The following PROK1 variants were observed in gnomAD, a reference collection of about 807,000 sequenced individuals.
PROK1 encodes prokineticin-1.
Under a neutral mutation model 8.8 loss-of-function variants are expected in PROK1, and 10 were observed. The observed-to-expected ratio is 1.13, with a 90% CI of 0.70 to 1.92. The LOEUF is 1.92. PROK1 is among the 30% of genes most tolerant of loss of function. PROK1 has a pLI of 0.00. For synonymous variants in PROK1, 57 were observed against 56.0 expected (o/e 1.02, Z -0.08); for missense variants, 140 against 139.7 (o/e 1.00, Z -0.01).
intron 1 of PROK1, among the ~76,000 whole-genome samples, chr1:110,451,789 A>C (rs920897142): frequency 4.6e-5 from 7 of 152,208 alleles, no homozygotes; most frequent in African/African-American, 9.7e-5. Context: ...CTCCGCTTAG[A>C]AAGGATATCT....
chr1:110,455,064 C>T (rs988602138), intron 2 of PROK1, among the ~76,000 whole-genome samples: 69 of 152,334 alleles, frequency 4.5e-4, no homozygotes, highest in African/African-American at 1.6e-3. Context: ...GCCACTTTAC[C>T]ACACTTTACC....
chr1:110,456,312 G>A lies in PROK1; in HGVS notation c.279G>A (p.Arg93=), dbSNP rs1372423534. The change falls in exon 3 of 3, where the codon AGG becomes AGA. Residue 93 remains arginine, a synonymous_variant. Coordinates refer to ENST00000271331, the MANE Select transcript of PROK1 (RefSeq NM_032414.3). ...NLLCSRFPDG[R]YRCSMDLKNI... ...TGTGCTCCAGGTTCCCGGACGGCAG[G>A]TACCGCTGCTCCATGGACTTGAAGA... 6.2e-7 allele frequency: 1 copy of A among 1,614,048 alleles called. No homozygotes were observed. The highest frequency in any genetic ancestry group is 1.1e-5 in the South Asian group (1 of 91,082).
intron 1 of PROK1, 57 bp downstream of exon 1, chr1:110,451,345 C>A (rs41281368): frequency 3.3e-6 from 5 of 1,495,110 alleles, no homozygotes; most frequent in Non-Finnish European, 1.9e-6. Context: ...AGGGTCTGCA[C>A]GGGTTGTGAG....
intron 2 of PROK1, among the ~76,000 whole-genome samples, chr1:110,454,315 T>C (rs1262502059): frequency 6.6e-6 from 1 of 152,210 alleles, no homozygotes; most frequent in Non-Finnish European, 1.5e-5. Context: ...GGGGTTGCTG[T>C]GCCCCTGCCA....
Position 110,456,642 on chromosome 1 carries a change from T to G in PROK1, c.*291T>G. On this transcript the variant is annotated 3_prime_UTR_variant, in exon 3 of 3. Coordinates refer to ENST00000271331, the MANE Select transcript of PROK1 (RefSeq NM_032414.3). ...GAGGTGGTAAATGGCAGAAAGGACA[T>G]TCCCCCTCCCCTCCCCAGGTGACCT... 4 of 432,590 alleles carry G rather than the reference T, an allele frequency of 9.2e-6. No individual in the cohort carries two copies. Among genetic ancestry groups the G allele is most frequent in the Non-Finnish European group, 1.7e-5 (4 of 230,632 alleles). 26.8% of individuals were successfully genotyped at this position (432,590 alleles called of 1,614,324 possible).
chr1:110,453,480 G>A (rs1664119034), intron 1 of PROK1, among the ~76,000 whole-genome samples: 1 of 152,140 alleles, frequency 6.6e-6, no homozygotes. Flanking sequence ...GGATGGGGGT[G>A]CCTCCATGCA....
At chr1:110,451,711 A>C (rs1034020844) in intron 1 of PROK1, among the ~76,000 whole-genome samples, 8 of 152,176 alleles carry the variant, frequency 5.3e-5, no homozygotes, top group Non-Finnish European at 4.4e-5. Flanking sequence ...TAGCATGTTG[A>C]CTTAATTAAA....
At chr1:110,453,586 T>TG (rs1664123292) in intron 1 of PROK1, among the ~76,000 whole-genome samples, 1 of 152,100 alleles carries the variant, frequency 6.6e-6, no homozygotes, top group Non-Finnish European at 1.5e-5. Flanking sequence ...GCCATCAGGG[T>TG]CCCTCCCACC....
chr1:110,452,872 GAGA>G (rs1266675047), intron 1 of PROK1, among the ~76,000 whole-genome samples: 2 of 152,202 alleles, frequency 1.3e-5, no homozygotes, highest in Admixed American at 6.5e-5. Context: ...ACCTCTATGG[GAGA>G]AGAAGAGTCG....
chr1:110,454,843 C>T (rs1350114337), intron 2 of PROK1, among the ~76,000 whole-genome samples: 1 of 152,252 alleles, frequency 6.6e-6, no homozygotes, highest in Non-Finnish European at 1.5e-5. Flanking sequence ...TCTGTAAGAA[C>T]TTCCCTTCAG....
chr1:110,454,260 G>A (rs1664136723), intron 2 of PROK1, among the ~76,000 whole-genome samples, 174 bp downstream of exon 2: 1 of 152,196 alleles, frequency 6.6e-6, no homozygotes, highest in East Asian at 1.9e-4. Flanking sequence ...AGCTGATCCA[G>A]CCCTGATCCA....
rs1664178423 is a variant in PROK1 at position 110,456,644 on chromosome 1, C to A, written c.*293C>A. On this transcript the variant is annotated 3_prime_UTR_variant, in exon 3 of 3. Transcript: ENST00000271331. ...GGTGGTAAATGGCAGAAAGGACATTCCCCCTCCCCTCCCCAGGTGACCTGC... is the reference window on the plus strand; with the variant it reads ...GGTGGTAAATGGCAGAAAGGACATTACCCCTCCCCTCCCCAGGTGACCTGC... 2 of 435,530 alleles carry A rather than the reference C, an allele frequency of 4.6e-6. No homozygotes were observed. Among genetic ancestry groups the A allele is most frequent in the Non-Finnish European group, 8.6e-6 (2 of 232,742 alleles). 27.0% of individuals were successfully genotyped at this position (435,530 alleles called of 1,614,324 possible). A position where few individuals can be genotyped will look rare whatever the true frequency, so the allele number is the denominator to read the frequency against.
chr1:110,455,874 C>A (rs2101151573), intron 2 of PROK1, among the ~76,000 whole-genome samples: 2 of 152,300 alleles, frequency 1.3e-5, no homozygotes, highest in Middle Eastern at 6.8e-3. Context: ...GCACTTGCAG[C>A]ACCCACCATG....
Position 110,456,303 on chromosome 1 carries a change from G to A in PROK1, c.270G>A (p.Pro90=), listed in dbSNP as rs780590461. The change falls in exon 3 of 3, where the codon CCG becomes CCA. Residue 90 remains proline, a synonymous_variant. Transcript: ENST00000271331. ...CCAACCTGCTGTGCTCCAGGTTCCC[G>A]GACGGCAGGTACCGCTGCTCCATGG... The part of the protein sequence containing the change: ...CLPNLLCSRF[P]DGRYRCSMDL... The A allele has an allele frequency of 1.1e-5, 18 of 1,613,896 alleles. No individual in the cohort carries two copies. The highest frequency in any genetic ancestry group is 7.7e-5 in the South Asian group (7 of 91,074).
intron 1 of PROK1, among the ~76,000 whole-genome samples, chr1:110,451,873 T>C (rs938739743): frequency 6.6e-6 from 1 of 152,114 alleles, no homozygotes; most frequent in African/African-American, 2.4e-5. Flanking sequence ...TTCAGCTGAG[T>C]GTACCCCAAA....
At chr1:110,453,378 G>A (rs1323587452) in intron 1 of PROK1, among the ~76,000 whole-genome samples, 1 of 152,174 alleles carries the variant, frequency 6.6e-6, no homozygotes, top group African/African-American at 2.4e-5. Flanking sequence ...ATCCTCTCTG[G>A]GAATCATGGA....
intron 2 of PROK1, among the ~76,000 whole-genome samples, chr1:110,455,505 G>C (rs989438239): frequency 1.3e-5 from 2 of 152,228 alleles, no homozygotes; most frequent in Non-Finnish European, 2.9e-5. Context: ...GGGAATGTGA[G>C]GTGGTTCAGC....
intron 1 of PROK1, among the ~76,000 whole-genome samples, chr1:110,453,182 T>A (rs1664114303): frequency 6.6e-6 from 1 of 152,226 alleles, no homozygotes; most frequent in South Asian, 2.1e-4. Context: ...TCTCTGAGAA[T>A]GGCAAGTGTG....
In PROK1 at chr1:110,456,340, A is replaced by G. The variant is rs1664172891; in HGVS notation, c.307A>G (p.Ile103Val). Residue 103 changes from isoleucine to valine, a missense_variant, in exon 3 of 3, where the codon ATC (isoleucine) becomes GTC (valine). Physicochemically the swap from Ile to Val is conservative, Grantham distance 29. Coordinates refer to ENST00000271331, the MANE Select transcript of PROK1 (RefSeq NM_032414.3). Reference sequence around the variant, plus strand: ...CCGCTGCTCCATGGACTTGAAGAACATCAATTTTTAGGCGCTTGCCTGGTC... The same window carrying G: ...CCGCTGCTCCATGGACTTGAAGAACGTCAATTTTTAGGCGCTTGCCTGGTC... The part of the protein sequence containing the change: ...RYRCSMDLKN[I>V]NF 2 of 1,613,902 alleles carry G rather than the reference A, an allele frequency of 1.2e-6. No homozygotes were observed. Among genetic ancestry groups the G allele is most frequent in the Admixed American group, 1.7e-5 (1 of 60,008 alleles).
Sources: allele counts gnomAD v4.1 joint callset (sites outside exome capture counted in the v4.1 genomes callset), GRCh38; gene constraint gnomAD v4.1.1; transcripts MANE v1.5; gene names NCBI Gene and HGNC (gene_info 2026-07-23, HGNC 2026-07-21).